The following BBS4 variants were observed in gnomAD, a reference collection of about 807,000 sequenced individuals.
BBS4 encodes Bardet-Biedl syndrome 4, also known as BBSome complex member BBS4.
Under a neutral mutation model 71.4 loss-of-function variants are expected in BBS4, and 58 were observed. That is an observed-to-expected ratio of 0.81 (90% CI 0.66 to 1.01). The LOEUF (loss-of-function observed/expected upper bound fraction) is 1.01, where lower values mean the gene tolerates loss of function less well. Ranked by LOEUF, BBS4 falls within the 50% of genes least tolerant of loss-of-function variation. The pLI, the probability that BBS4 is intolerant of heterozygous loss-of-function variation, is 0.00. For missense variants in BBS4, 660 were observed against 607.9 expected, an observed-to-expected ratio of 1.09 and a Z score of -0.90; for synonymous variants, 228 against 216.8, an observed-to-expected ratio of 1.05 and a Z score of -0.46.
At chr15:72,721,555 A>T (rs1343539203) in intron 6 of BBS4, among the ~76,000 whole-genome samples, 1 of 152,198 alleles carries the variant, frequency 6.6e-6, no homozygotes, top group African/African-American at 2.4e-5. Flanking sequence ...TTATCTGTAA[A>T]ATTGGAAAGA....
At chr15:72,726,146 C>T (rs1345810655) in intron 8 of BBS4, among the ~76,000 whole-genome samples, 2 of 150,524 alleles carry the variant, frequency 1.3e-5, no homozygotes, top group African/African-American at 4.9e-5. Context: ...CAGTCTCGCT[C>T]TGTCGCCCAG....
chr15:72,692,127 A>G (rs1156399759), intron 1 of BBS4, among the ~76,000 whole-genome samples: 1 of 152,002 alleles, frequency 6.6e-6, no homozygotes, highest in Non-Finnish European at 1.5e-5. Context: ...ATTATTATGT[A>G]GGTCTTCTGA....
chr15:72,690,855 A>G (rs909585097), intron 1 of BBS4, among the ~76,000 whole-genome samples: 8 of 152,146 alleles, frequency 5.3e-5, no homozygotes, highest in Non-Finnish European at 1.0e-4. Context: ...TGATTTTTCC[A>G]CATCCCTGTC....
chr15:72,736,503 C>T (rs2065927397), intron 14 of BBS4, among the ~76,000 whole-genome samples: 1 of 152,072 alleles, frequency 6.6e-6, no homozygotes, highest in East Asian at 1.9e-4. Context: ...CCCTATTTCA[C>T]TTGTTGTAGG....
chr15:72,698,438 A>G (rs1250855447), intron 2 of BBS4, among the ~76,000 whole-genome samples: 1 of 152,090 alleles, frequency 6.6e-6, no homozygotes, highest in Non-Finnish European at 1.5e-5. Context: ...TATTTTCTGT[A>G]TCTATGAATT....
intron 2 of BBS4, among the ~76,000 whole-genome samples, chr15:72,698,310 A>C (rs939749544): frequency 6.6e-6 from 1 of 152,208 alleles, no homozygotes; most frequent in Admixed American, 6.5e-5. Flanking sequence ...AAAGTTGTGC[A>C]GCCATCACCA....
At chr15:72,687,754 C>T (rs1429861532) in intron 1 of BBS4, among the ~76,000 whole-genome samples, 1 of 151,634 alleles carries the variant, frequency 6.6e-6, no homozygotes, top group Non-Finnish European at 1.5e-5. Flanking sequence ...GTAGTGAAAC[C>T]CTGTCCCTAC....
rs766132906 is a variant in BBS4, at chr15:72,731,274, CTGAA to C, written c.712-27_712-24del. Reference sequence around the variant, plus strand: ...CACTGCTACAGCCTTTTGGGAATGACTGAATGACTTTCTCTGTGCCATGTTTTCA... The same window carrying C: ...CACTGCTACAGCCTTTTGGGAATGACTGACTTTCTCTGTGCCATGTTTTCA... On this transcript the variant is annotated intron_variant, in intron 10 of 15. Coordinates refer to ENST00000268057, the MANE Select transcript of BBS4 (RefSeq NM_033028.5). 8 of 1,613,628 alleles carry C rather than the reference CTGAA, an allele frequency of 5.0e-6. No homozygotes were observed. In the South Asian group the frequency reaches 6.6e-5, roughly 13 times the overall value.
chr15:72,723,116 T>G (rs1324124368), intron 7 of BBS4, among the ~76,000 whole-genome samples: 1 of 152,122 alleles, frequency 6.6e-6, no homozygotes, highest in Non-Finnish European at 1.5e-5. Flanking sequence ...CCAGTTAAAT[T>G]TCCCAGTTTA....
chr15:72,722,425 C>A (rs1001563339), intron 6 of BBS4, among the ~76,000 whole-genome samples: 3 of 152,208 alleles, frequency 2.0e-5, no homozygotes, highest in Non-Finnish European at 2.9e-5. Context: ...GTGTGGCTAG[C>A]AGCCCTCTCA....
intron 6 of BBS4, among the ~76,000 whole-genome samples, chr15:72,720,861 GC>G (rs1223055909): frequency 6.6e-6 from 1 of 152,176 alleles, no homozygotes; most frequent in African/African-American, 2.4e-5. Flanking sequence ...TTGTTCTGTT[GC>G]CCTTTCCAAA....
At position 72,695,112 on chromosome 15, in the gene BBS4, A is replaced by G. The variant is rs2150997112; in HGVS notation, c.25-65A>G. 8 of 1,116,068 alleles carry G rather than the reference A, an allele frequency of 7.2e-6. No individual in the cohort carries two copies. The South Asian group carries it at 8.9e-5, about 12-fold the overall frequency. 69.1% of individuals were successfully genotyped at this position (1,116,068 alleles called of 1,614,324 possible). On this transcript the variant is annotated intron_variant, in intron 1 of 15. Coordinates refer to ENST00000268057, the MANE Select transcript of BBS4 (RefSeq NM_033028.5). Reference sequence around the variant, plus strand: ...GCTACTGATTATTCTTGTTATTTGGATGCTTCTTTAAGTTAGCAAGTTTAT... The same window carrying G: ...GCTACTGATTATTCTTGTTATTTGGGTGCTTCTTTAAGTTAGCAAGTTTAT...
intron 10 of BBS4, among the ~76,000 whole-genome samples, chr15:72,730,811 T>C (rs377690569): frequency 3.9e-5 from 6 of 152,256 alleles, no homozygotes; most frequent in African/African-American, 1.4e-4. Context: ...ATACCTTTCC[T>C]TAGAGAAATG....
intron 1 of BBS4, among the ~76,000 whole-genome samples, chr15:72,689,875 A>G (rs2064952488): frequency 6.6e-6 from 1 of 151,860 alleles, no homozygotes; most frequent in South Asian, 2.1e-4. Flanking sequence ...CAGTGGCGCG[A>G]TCTCGGCTCA....
chr15:72,737,604 C>G lies in BBS4; in HGVS notation c.*17C>G. On this transcript the variant is annotated 3_prime_UTR_variant, in exon 16 of 16. Transcript: ENST00000268057. ...GAGAAATAAGAATAGAATGAATGAC[C>G]CCAAAATAGGGTTTTCTTGGGCGAG... 6.3e-7 allele frequency: 1 copy of G among 1,575,426 alleles called. No homozygotes were observed. Among genetic ancestry groups the G allele is most frequent in the Non-Finnish European group, 8.7e-7 (1 of 1,154,552 alleles).
intron 8 of BBS4, among the ~76,000 whole-genome samples, chr15:72,726,246 G>T (rs745914184): frequency 3.3e-5 from 5 of 151,700 alleles, no homozygotes; most frequent in African/African-American, 9.7e-5. Flanking sequence ...TGAGTAGCTG[G>T]GACTGCACGA....
chr15:72,719,714 T>C (rs1230186334), intron 6 of BBS4, among the ~76,000 whole-genome samples: 2 of 151,872 alleles, frequency 1.3e-5, no homozygotes, highest in East Asian at 3.9e-4. Flanking sequence ...ATCCCATTGT[T>C]ACTAGTAGAT....
intron 11 of BBS4, 45 bp from the exon 12 acceptor site, chr15:72,731,510 C>CTGT: frequency 6.2e-7 from 1 of 1,614,188 alleles, no homozygotes; most frequent in Non-Finnish European, 8.5e-7. Context: ...GTTATTGGGT[C>CTGT]TGTTTAGCTT....
intron 5 of BBS4, 36 bp from the exon 6 acceptor site, chr15:72,716,742 T>C (rs761652630): frequency 1.4e-6 from 2 of 1,466,126 alleles, no homozygotes; most frequent in Non-Finnish European, 1.9e-6. Flanking sequence ...TCTAAGAATT[T>C]TGAGGTAATA....
Sources: gnomAD v4.1 joint callset for allele counts (sites outside exome capture counted in the v4.1 genomes callset) on GRCh38, gnomAD v4.1.1 for gene constraint, MANE v1.5 for transcripts, NCBI Gene and HGNC (gene_info 2026-07-23, HGNC 2026-07-21) for gene names.